Variants in FAM184B observed in about 807,000 individuals in gnomAD.
The protein encoded by FAM184B is family with sequence similarity 184 member B.
Under a neutral mutation model 135.9 loss-of-function variants are expected in FAM184B, and 111 were observed. That is an observed-to-expected ratio of 0.82 (90% CI 0.70 to 0.96). FAM184B has a LOEUF of 0.96. Ranked by LOEUF, FAM184B falls within the 40% of genes least tolerant of loss-of-function variation. FAM184B has a pLI of 0.00. For missense variants in FAM184B, 1,375 were observed against 1,323.9 expected, an observed-to-expected ratio of 1.04 and a Z score of -0.60; for synonymous variants, 552 against 524.8, an observed-to-expected ratio of 1.05 and a Z score of -0.71.
chr4:17,747,810 A>G (rs1718200773), intron 1 of FAM184B, among the ~76,000 whole-genome samples: 1 of 148,016 alleles, frequency 6.8e-6, no homozygotes, highest in African/African-American at 2.5e-5. Flanking sequence ...AGTCCCAGCT[A>G]CTCGGGAGGC....
intron 7 of FAM184B, among the ~76,000 whole-genome samples, chr4:17,673,053 C>A (rs555481851): frequency 6.6e-6 from 1 of 152,160 alleles, no homozygotes; most frequent in Admixed American, 6.5e-5. Context: ...TATTCAGAAT[C>A]TATAATGAAC....
At chr4:17,726,458 G>T (rs1228836641) in intron 1 of FAM184B, among the ~76,000 whole-genome samples, 3 of 152,014 alleles carry the variant, frequency 2.0e-5, no homozygotes, top group Non-Finnish European at 4.4e-5. Flanking sequence ...TGCAACCTCT[G>T]CTTCCCAGGT....
At position 17,632,914 on chromosome 4, in the gene FAM184B, A is replaced by T. The variant is rs77156682; in HGVS notation, c.3090-289T>A. 9.6e-4 allele frequency: 210 copies of T among 219,802 alleles called. 2 individuals carry two copies. The highest frequency in any genetic ancestry group is 4.7e-3 in the African/African-American group (207 of 44,432). The allele number at this position is 219,802 out of a possible 1,614,324, so 13.6% of individuals were successfully genotyped here. A position where few individuals can be genotyped will look rare whatever the true frequency, so the allele number is the denominator to read the frequency against. Reference sequence around the variant, plus strand: ...AATGCAGGATTAACCAAACCTACAGATCAAGAGACTTTGTTTTTATTTTTT... The same window carrying T: ...AATGCAGGATTAACCAAACCTACAGTTCAAGAGACTTTGTTTTTATTTTTT... On this transcript the variant is annotated intron_variant, in intron 17 of 17. Coordinates refer to ENST00000265018, the MANE Select transcript of FAM184B (RefSeq NM_015688.2).
intron 7 of FAM184B, among the ~76,000 whole-genome samples, chr4:17,679,695 G>A (rs534522207): frequency 1.3e-5 from 2 of 151,930 alleles, no homozygotes; most frequent in Non-Finnish European, 2.9e-5. Context: ...AGGAAAATAA[G>A]TCATTATACA....
intron 16 of FAM184B, 179 bp from the exon 17 acceptor site, chr4:17,634,067 TATAA>T (rs1450878460): frequency 2.6e-5 from 12 of 468,876 alleles, no homozygotes; most frequent in South Asian, 5.1e-5. Flanking sequence ...CATTTTGTAT[TATAA>T]ATAAATATGT....
chr4:17,708,518 A>T (rs1289395679), intron 2 of FAM184B, among the ~76,000 whole-genome samples: 1 of 151,090 alleles, frequency 6.6e-6, no homozygotes, highest in Non-Finnish European at 1.5e-5. Context: ...GGTGGTGGGC[A>T]CTTGTATTCC....
Position 17,707,700 on chromosome 4 carries a change from C to T in FAM184B, c.979G>A (p.Val327Ile). 6.4e-7 allele frequency: 1 copy of T among 1,551,860 alleles called. No homozygotes were observed. Among genetic ancestry groups the T allele is most frequent in the Non-Finnish European group, 8.7e-7 (1 of 1,147,038 alleles). ...TAKKLGEKLA[V>I]AKDRMMLQEC... The stretch of plus-strand genomic sequence containing the variant: ...TGCAGCATCATTCTGTCTTTGGCAA[C>T]AGCCAGCTTCTCCCCAAGTTTTTTT... The change falls in exon 3 of 18, where the codon GTT becomes ATT. Residue 327 changes from valine (V) to isoleucine (I), a missense_variant. Val to Ile is a conservative substitution (Grantham distance 29). Coordinates refer to ENST00000265018, the MANE Select transcript of FAM184B (RefSeq NM_015688.2).
intron 9 of FAM184B, 46 bp downstream of exon 9, chr4:17,659,912 G>T (rs548754163): frequency 7.8e-6 from 12 of 1,545,652 alleles, no homozygotes; most frequent in Non-Finnish European, 1.0e-5. Context: ...AAAAGGAGGG[G>T]GCAGGATCTC....
chr4:17,632,093 CAG>C lies in FAM184B; in HGVS notation c.*437_*438del, dbSNP rs1714970454. On this transcript the variant is annotated 3_prime_UTR_variant, in exon 18 of 18. Coordinates refer to ENST00000265018, the MANE Select transcript of FAM184B (RefSeq NM_015688.2). ...TTTTTTTTTTTTTTTTTTTTGGAGA[CAG>C]GGTCTCCCTCTGTCACCCAGGCTGG... 1 of 83,232 alleles carries C rather than the reference CAG, an allele frequency of 1.2e-5. No homozygotes were observed. Among genetic ancestry groups the C allele is most frequent in the Admixed American group, 1.5e-4 (1 of 6,470 alleles). The allele number at this position is 83,232 out of a possible 1,614,324, so 5.2% of individuals were successfully genotyped here.
At chr4:17,718,422 T>A (rs1489906454) in intron 1 of FAM184B, among the ~76,000 whole-genome samples, 2 of 152,150 alleles carry the variant, frequency 1.3e-5, no homozygotes, top group Non-Finnish European at 2.9e-5. Flanking sequence ...ATACTAGGCA[T>A]GGGAAAAACA....
In FAM184B at chr4:17,709,420, C is replaced by T. The variant is rs1443605993; in HGVS notation, c.366G>A (p.Ser122=). 4.6e-6 allele frequency: 7 copies of T among 1,517,748 alleles called. No individual in the cohort carries two copies. The highest frequency in any genetic ancestry group is 1.3e-5 in the South Asian group (1 of 79,862). 94.0% of individuals were successfully genotyped at this position (1,517,748 alleles called of 1,614,324 possible). The change falls in exon 2 of 18, where the codon TCG becomes TCA. Residue 122 remains serine (S), a synonymous_variant. Coordinates refer to ENST00000265018, the MANE Select transcript of FAM184B (RefSeq NM_015688.2). The part of the protein sequence containing the change: ...KRLTEEALAE[S]ASCRLETKER... ...CCTTCGTCTCCAGCCTGCACGAGGC[C>T]GACTCAGCCAGCGCCTCCTCCGTCA...
intron 5 of FAM184B, 52 bp downstream of exon 5, chr4:17,704,948 G>A: frequency 1.4e-6 from 2 of 1,461,908 alleles, no homozygotes; most frequent in Non-Finnish European, 1.9e-6. Flanking sequence ...AAAGAAAGGA[G>A]GTGGGAGAAA....
chr4:17,663,892 T>G (rs1715983407), intron 8 of FAM184B, among the ~76,000 whole-genome samples: 1 of 152,142 alleles, frequency 6.6e-6, no homozygotes, highest in African/African-American at 2.4e-5. Flanking sequence ...TATAAGTGTT[T>G]GTCATTTCCT....
chr4:17,684,614 G>A (rs138198221), intron 7 of FAM184B, among the ~76,000 whole-genome samples: 3 of 152,324 alleles, frequency 2.0e-5, no homozygotes, highest in South Asian at 2.1e-4. Flanking sequence ...GCTGGCACAT[G>A]CCAGGTATTG....
intron 1 of FAM184B, among the ~76,000 whole-genome samples, chr4:17,735,248 A>G (rs62297863): frequency 1.3e-5 from 2 of 152,022 alleles, no homozygotes; most frequent in South Asian, 2.1e-4. Context: ...GAGTTAATGG[A>G]TGCAGCACAC....
chr4:17,654,907 A>G (rs1715746757), intron 10 of FAM184B, among the ~76,000 whole-genome samples: 1 of 152,134 alleles, frequency 6.6e-6, no homozygotes. Context: ...GCTGGAGTGC[A>G]GCGGCGCAAT....
chr4:17,750,928 T>C (rs1274740488), intron 1 of FAM184B, among the ~76,000 whole-genome samples: 1 of 152,078 alleles, frequency 6.6e-6, no homozygotes, highest in Admixed American at 6.6e-5. Flanking sequence ...TGGCTTTGGT[T>C]AGGACATGGA....
chr4:17,654,310 A>G (rs115492464), intron 10 of FAM184B, among the ~76,000 whole-genome samples: 2,467 of 152,130 alleles, frequency 0.016, 79 homozygotes, highest in African/African-American at 0.056. Flanking sequence ...GTCACACAGA[A>G]AAAGATATGG....
At chr4:17,693,541 A>G in intron 5 of FAM184B, 129 bp from the exon 6 acceptor site, 1 of 685,946 alleles carries the variant, frequency 1.5e-6, no homozygotes. Flanking sequence ...AATAAACATA[A>G]ATTAGACATA....
Sources: allele counts gnomAD v4.1 joint callset (sites outside exome capture counted in the v4.1 genomes callset), GRCh38; gene constraint gnomAD v4.1.1; transcripts MANE v1.5; gene names NCBI Gene and HGNC (gene_info 2026-07-23, HGNC 2026-07-21).